UBE2H: variants seen among roughly 807,000 people sequenced by gnomAD.
The protein encoded by UBE2H is ubiquitin conjugating enzyme E2 H.
Under a neutral mutation model 29.0 loss-of-function variants are expected in UBE2H, and 3 were observed. That is an observed-to-expected ratio of 0.10 (90% CI 0.05 to 0.27). The LOEUF (loss-of-function observed/expected upper bound fraction) is 0.27. Among genes scored for constraint, UBE2H ranks in the 10% least tolerant of loss-of-function variants. The pLI, the probability that UBE2H is intolerant of heterozygous loss-of-function variation, is 1.00. For synonymous variants in UBE2H, 69 were observed against 82.9 expected (o/e 0.83, Z 0.91); for missense variants, 68 against 228.2 (o/e 0.30, Z 4.52).
intron 1 of UBE2H, among the ~76,000 whole-genome samples, chr7:129,934,644 A>C (rs1807483396): frequency 6.6e-6 from 1 of 150,610 alleles, no homozygotes; most frequent in South Asian, 2.1e-4. Context: ...TCTTTAAAAA[A>C]AAAAAAAAAA....
intron 5 of UBE2H, among the ~76,000 whole-genome samples, chr7:129,846,453 A>C (rs1805513999): frequency 1.3e-5 from 2 of 151,988 alleles, no homozygotes; most frequent in Admixed American, 1.3e-4. Flanking sequence ...GTAGTTGCCG[A>C]GGTGAGAGGA....
At chr7:129,922,758 T>C (rs1453348325) in intron 1 of UBE2H, among the ~76,000 whole-genome samples, 1 of 152,044 alleles carries the variant, frequency 6.6e-6, no homozygotes, top group Non-Finnish European at 1.5e-5. Context: ...TGTATCTGAG[T>C]TATTTTGTTT....
intron 3 of UBE2H, among the ~76,000 whole-genome samples, chr7:129,861,931 A>G (rs1455369510): frequency 6.6e-6 from 1 of 152,216 alleles, no homozygotes; most frequent in African/African-American, 2.4e-5. Context: ...AAATAGACTG[A>G]ATTACACAAG....
rs553078712 is a variant in UBE2H, at chr7:129,855,797, T to TA, written c.298+1713_298+1714insT. 1.0e-3 allele frequency among the ~76,000 whole-genome samples: 159 copies of TA among 152,196 alleles called. 4 individuals are homozygous for TA. In the East Asian group the frequency reaches 0.023, roughly 22 times the overall value. Reference sequence around the variant, plus strand: ...CTATAGTCCCAGCTACTGGGGAGGCTGAGATGGGAGGACTGTTCGAGCCTA... The same window carrying TA: ...CTATAGTCCCAGCTACTGGGGAGGCTAGAGATGGGAGGACTGTTCGAGCCTA... On this transcript the variant is annotated intron_variant, in intron 5 of 6. Transcript: ENST00000355621.
intron 1 of UBE2H, among the ~76,000 whole-genome samples, chr7:129,948,604 A>C (rs971384781): frequency 2.0e-5 from 3 of 152,142 alleles, no homozygotes; most frequent in Non-Finnish European, 4.4e-5. Context: ...ATTTGAGGCC[A>C]GGAGTTGGGA....
intron 1 of UBE2H, among the ~76,000 whole-genome samples, chr7:129,924,506 CA>C (rs2116477181): frequency 6.6e-6 from 1 of 152,012 alleles, no homozygotes; most frequent in African/African-American, 2.4e-5. Context: ...TATTTCTCTG[CA>C]AAGAGAATAA....
chr7:129,836,488 C>T (rs1245026873), intron 6 of UBE2H, among the ~76,000 whole-genome samples: 1 of 152,188 alleles, frequency 6.6e-6, no homozygotes, highest in Admixed American at 6.5e-5. Context: ...GCCACACTGA[C>T]CCCCAAGTCC....
At chr7:129,877,326 G>C (rs1049835143) in intron 3 of UBE2H, among the ~76,000 whole-genome samples, 1 of 152,076 alleles carries the variant, frequency 6.6e-6, no homozygotes, top group African/African-American at 2.4e-5. Context: ...GTTGAGATTG[G>C]GTTGATCTTA....
At chr7:129,931,835 GCT>G (rs1807407548) in intron 1 of UBE2H, among the ~76,000 whole-genome samples, 1 of 139,146 alleles carries the variant, frequency 7.2e-6, no homozygotes, top group Non-Finnish European at 1.6e-5. Flanking sequence ...GTTCTACTTT[GCT>G]TTTTTTTTTT....
intron 3 of UBE2H, among the ~76,000 whole-genome samples, chr7:129,872,564 G>T (rs1339858638): frequency 4.6e-5 from 7 of 151,962 alleles, no homozygotes; most frequent in African/African-American, 1.7e-4. Flanking sequence ...TATATTGGCT[G>T]GGCGCGGTGG....
chr7:129,949,044 G>A (rs559544068), intron 1 of UBE2H: 11 of 456,600 alleles, frequency 2.4e-5, no homozygotes, highest in South Asian at 1.2e-4. Flanking sequence ...CGGTGCCTGC[G>A]GCCTTTTGCC....
chr7:129,895,297 G>A (rs552181936), intron 1 of UBE2H, among the ~76,000 whole-genome samples: 1 of 152,086 alleles, frequency 6.6e-6, no homozygotes, highest in Non-Finnish European at 1.5e-5. Context: ...ACCTAGACCT[G>A]CAAATTCTAA....
intron 1 of UBE2H, among the ~76,000 whole-genome samples, chr7:129,922,829 C>T (rs1807190346): frequency 6.6e-6 from 1 of 152,180 alleles, no homozygotes; most frequent in Non-Finnish European, 1.5e-5. Context: ...TTAAACGATC[C>T]TCCAGCCTCA....
chr7:129,867,718 G>GAAAAAAAAAAAAAAAAAAAA (rs1308277089), intron 3 of UBE2H, among the ~76,000 whole-genome samples: 2 of 19,652 alleles, frequency 1.0e-4, no homozygotes, highest in Non-Finnish European at 9.5e-5. Flanking sequence ...AAAAAAAAAA[G>GAAAAAAAAAAAAAAAAAAAA]AAAACCAAAA....
chr7:129,900,690 T>C (rs1028399029), intron 1 of UBE2H, among the ~76,000 whole-genome samples: 2 of 152,092 alleles, frequency 1.3e-5, no homozygotes, highest in Admixed American at 1.3e-4. Flanking sequence ...TACATACGTA[T>C]ACATGTAAAT....
chr7:129,932,384 A>G (rs1807425109), intron 1 of UBE2H, among the ~76,000 whole-genome samples: 2 of 151,400 alleles, frequency 1.3e-5, no homozygotes, highest in African/African-American at 4.9e-5. Context: ...CGGCCTCCCA[A>G]AGTGCTGGGA....
In UBE2H at chr7:129,841,088, G is replaced by A. The variant is rs140985373; in HGVS notation, c.299-1753C>T. ...TCTAGACCAAAATGTCAGCAGTGCT[G>A]AGGTTAAGAAACCCTGATCTAGATA... is the stretch of plus-strand genomic sequence containing the variant. On this transcript the variant is annotated intron_variant, in intron 5 of 6. Transcript: ENST00000355621. Among the ~76,000 whole-genome samples the A allele has an allele frequency of 4.4e-3, 668 of 152,292 alleles. 4 individuals carry two copies. Among genetic ancestry groups the A allele is most frequent in the African/African-American group, 0.014 (599 of 41,560 alleles).
intron 1 of UBE2H, among the ~76,000 whole-genome samples, chr7:129,923,211 T>C (rs1159798159): frequency 6.6e-6 from 1 of 152,200 alleles, no homozygotes. Flanking sequence ...AGAAACTTAA[T>C]ATTGCCATTA....
At position 129,932,700 on chromosome 7, in the gene UBE2H, G is replaced by T. The variant is rs939541355; in HGVS notation, c.53+19803C>A. On this transcript the variant is annotated intron_variant, in intron 1 of 6. Coordinates refer to ENST00000355621, the MANE Select transcript of UBE2H (RefSeq NM_003344.4). ...GAGGCAGAAGAATTGCCTGAACCCG[G>T]AAGGCGGAGGTTGCAGTGAGCTAAG... is the stretch of plus-strand genomic sequence containing the variant. 4.7e-5 allele frequency among the ~76,000 whole-genome samples: 7 copies of T among 149,198 alleles called. No individual in the cohort carries two copies. The East Asian group carries it at 1.0e-3, about 21-fold the overall frequency.
Sources: allele counts gnomAD v4.1 joint callset (sites outside exome capture counted in the v4.1 genomes callset), GRCh38; gene constraint gnomAD v4.1.1; transcripts MANE v1.5; gene names NCBI Gene and HGNC (gene_info 2026-07-23, HGNC 2026-07-21).